The following GPR171 variants were observed in gnomAD, a reference collection of about 807,000 sequenced individuals.
The protein encoded by GPR171 is F730001G15Rik.
A neutral mutation model predicts 16.7 loss-of-function variants in GPR171; 14 were observed. The observed-to-expected ratio is 0.84, with a 90% CI of 0.55 to 1.31. The LOEUF is 1.31. GPR171 is among the 40% of genes most tolerant of loss of function. The probability of loss-of-function intolerance (pLI) is 0.00; values close to 1 mark genes in which losing one functional copy is unlikely to be tolerated. For missense variants in GPR171, 337 were observed against 378.9 expected, an observed-to-expected ratio of 0.89 and a Z score of 0.92; for synonymous variants, 134 against 135.6, an observed-to-expected ratio of 0.99 and a Z score of 0.08.
At chr3:151,199,474 T>G in intron 2 of GPR171, 35 bp from the exon 3 acceptor site, 2 of 1,131,448 alleles carry the variant, frequency 1.8e-6, no homozygotes, top group Middle Eastern at 3.0e-4. Context: ...GGTTAGTAAT[T>G]AAAATTAGCA....
chr3:151,200,792 C>T (rs1474467711), intron 2 of GPR171, 117 bp downstream of exon 2: 3 of 152,200 alleles, frequency 2.0e-5, no homozygotes, highest in African/African-American at 7.2e-5. Context: ...TTGTATCTGG[C>T]ACTATGCCAA....
intron 2 of GPR171, among the ~76,000 whole-genome samples, chr3:151,199,968 C>T (rs1448660360): frequency 1.3e-5 from 2 of 151,598 alleles, no homozygotes; most frequent in Non-Finnish European, 2.9e-5. Flanking sequence ...CAAAAACAAA[C>T]AGAAAAAAAC....
At chr3:151,199,527 C>G (rs1363515114) in intron 2 of GPR171, 88 bp from the exon 3 acceptor site, 1 of 680,052 alleles carries the variant, frequency 1.5e-6, no homozygotes, top group Non-Finnish European at 2.4e-6. Context: ...ATACCGTTGT[C>G]TTTCCAGTTC....
At chr3:151,202,487 A>G (rs1725744954) in intron 1 of GPR171, among the ~76,000 whole-genome samples, 1 of 152,158 alleles carries the variant, frequency 6.6e-6, no homozygotes, top group Non-Finnish European at 1.5e-5. Context: ...CCTGGCCAAC[A>G]TGGTGAAATC....
In GPR171 at chr3:151,199,096, A is replaced by G. The variant is rs745692929; in HGVS notation, c.291T>C (p.Asn97=). 1.2e-6 allele frequency: 2 copies of G among 1,613,986 alleles called. No homozygotes were observed. The highest frequency in any genetic ancestry group is 1.7e-6 in the Non-Finnish European group (2 of 1,179,840). Residue 97 remains asparagine (N), a synonymous_variant, in exon 3 of 3, where the codon AAT becomes AAC. Transcript: ENST00000309180. ...CTAAGAAGATAATTGATAAATACATATTGATATAGATGAGGCAGGCTGTTA... is the reference window on the plus strand; with the variant it reads ...CTAAGAAGATAATTGATAAATACATGTTGATATAGATGAGGCAGGCTGTTA... ...CQVTACLIYI[N]MYLSIIFLAF...
chr3:151,200,212 A>C (rs547290510), intron 2 of GPR171, among the ~76,000 whole-genome samples: 5 of 152,070 alleles, frequency 3.3e-5, no homozygotes, highest in South Asian at 2.1e-4. Context: ...AAGTCTTGTC[A>C]TGTCCCTCCC....
At position 151,198,659 on chromosome 3, in the gene GPR171, C is replaced by G; in HGVS notation, c.728G>C (p.Arg243Pro). The G allele has an allele frequency of 6.2e-7, 1 of 1,613,976 alleles. No individual in the cohort carries two copies. Among genetic ancestry groups the G allele is most frequent in the Non-Finnish European group, 8.5e-7 (1 of 1,179,948 alleles). Residue 243 changes from arginine to proline, a missense_variant, in exon 3 of 3, where the codon CGA (arginine) becomes CCA (proline). Physicochemically the swap from Arg to Pro is moderately radical, Grantham distance 103. Transcript: ENST00000309180. ...TGTCTGGCTGAGGGTATACGGGATTCGGACAATGTGGTAAGGAACAAAGCA... is the reference window on the plus strand; with the variant it reads ...TGTCTGGCTGAGGGTATACGGGATTGGGACAATGTGGTAAGGAACAAAGCA... ...IICFVPYHIV[R>P]IPYTLSQTEV...
At chr3:151,200,280 G>A (rs1178311381) in intron 2 of GPR171, among the ~76,000 whole-genome samples, 2 of 152,102 alleles carry the variant, frequency 1.3e-5, no homozygotes, top group East Asian at 3.9e-4. Flanking sequence ...GGCTCCCTTT[G>A]ACCTGGTCTA....
chr3:151,201,034 G>T (rs1317244587), intron 1 of GPR171, 37 bp from the exon 2 acceptor site: 1 of 152,170 alleles, frequency 6.6e-6, no homozygotes, highest in Non-Finnish European at 1.5e-5. Flanking sequence ...TGATAGAAAT[G>T]ATAATGATTA....
intron 2 of GPR171, among the ~76,000 whole-genome samples, chr3:151,200,190 A>G (rs896135449): frequency 3.3e-5 from 5 of 152,140 alleles, no homozygotes; most frequent in African/African-American, 9.7e-5. Context: ...ATCACCACTG[A>G]TAATGACAAT....
At chr3:151,199,843 T>C (rs1199179517) in intron 2 of GPR171, among the ~76,000 whole-genome samples, 2 of 152,130 alleles carry the variant, frequency 1.3e-5, no homozygotes, top group African/African-American at 4.8e-5. Flanking sequence ...TTTTTCTTGT[T>C]TTAGTTTTTT....
chr3:151,199,921 G>A (rs951052639), intron 2 of GPR171, among the ~76,000 whole-genome samples: 10 of 151,960 alleles, frequency 6.6e-5, no homozygotes, highest in African/African-American at 2.4e-4. Context: ...GTAAGGAGTT[G>A]ATGGAAAATC....
chr3:151,198,858 G>A lies in GPR171; in HGVS notation c.529C>T (p.His177Tyr), dbSNP rs762828941. ...ACACATATGAAATTTGTCAGCAAATGCCAATTTCTTCCAAATTCCTTTTTA... is the reference window on the plus strand; with the variant it reads ...ACACATATGAAATTTGTCAGCAAATACCAATTTCTTCCAAATTCCTTTTTA... The part of the protein sequence containing the change: ...EFKKEFGRNW[H>Y]LLTNFICVAI... Residue 177 changes from histidine (H) to tyrosine (Y), a missense_variant, in exon 3 of 3, where the codon CAT becomes TAT. By Grantham distance (83) the His-to-Tyr change is moderately conservative. Transcript: ENST00000309180. The A allele has an allele frequency of 3.1e-6, 5 of 1,613,538 alleles. No homozygotes were observed. The highest frequency in any genetic ancestry group is 1.7e-5 in the Admixed American group (1 of 60,006).
chr3:151,198,913 C>G lies in GPR171; in HGVS notation c.474G>C (p.Lys158Asn). Residue 158 changes from lysine (K) to asparagine (N), a missense_variant, in exon 3 of 3, where the codon AAG (lysine) becomes AAC (asparagine). Transcript: ENST00000309180. Reference protein sequence around the residue: ...PNMMIPIKDIKEKSNVGCMEF... With the variant: ...PNMMIPIKDINEKSNVGCMEF... ...CCATACAACCCACATTTGACTTTTC[C>G]TTGATGTCTTTGATGGGAATCATCA... The G allele has an allele frequency of 6.2e-7, 1 of 1,613,984 alleles. No individual in the cohort carries two copies. The highest frequency in any genetic ancestry group is 8.5e-7 in the Non-Finnish European group (1 of 1,180,008).
intron 1 of GPR171, among the ~76,000 whole-genome samples, chr3:151,202,843 G>A (rs1256754240): frequency 1.3e-5 from 2 of 152,188 alleles, no homozygotes; most frequent in African/African-American, 2.4e-5. Context: ...TTATAAGATT[G>A]AGTTACTGAA....
At position 151,201,223 on chromosome 3, in the gene GPR171, A is replaced by ACTCT. The variant is rs58729370; in HGVS notation, c.-142-230_-142-227dup. Among the ~76,000 whole-genome samples, 270 of 147,978 alleles carry ACTCT rather than the reference A, an allele frequency of 1.8e-3. 5 individuals are homozygous for ACTCT. In the South Asian group the frequency reaches 0.045, roughly 25 times the overall value. On this transcript the variant is annotated intron_variant, in intron 1 of 2. Transcript: ENST00000309180. ...TCTATGCATACAACCACGTGCACAC[A>ACTCT]CTCTCTCTCTCTCTCTCTCTCTCAC...
At chr3:151,200,814 G>A (rs1167780420) in intron 2 of GPR171, 95 bp downstream of exon 2, 1 of 152,174 alleles carries the variant, frequency 6.6e-6, no homozygotes, top group Non-Finnish European at 1.5e-5. Context: ...TACTTTACAT[G>A]TACTTATTTA....
intron 2 of GPR171, among the ~76,000 whole-genome samples, chr3:151,199,734 G>A (rs1429291805): frequency 6.6e-6 from 1 of 152,156 alleles, no homozygotes; most frequent in African/African-American, 2.4e-5. Context: ...TTGGAAGTTA[G>A]TTTGCAGAGG....
rs1197474045 is a variant in GPR171, at chr3:151,198,193, G to A, written c.*234C>T. On this transcript the variant is annotated 3_prime_UTR_variant, in exon 3 of 3. Coordinates refer to ENST00000309180, the MANE Select transcript of GPR171 (RefSeq NM_013308.4). ...GCAGGATTTTACATTCGTTCAATGA[G>A]ACTCTTTAGTTTTTTGTACAAATAT... The A allele has an allele frequency of 2.7e-6, 1 of 372,702 alleles. No individual in the cohort carries two copies. The highest frequency in any genetic ancestry group is 2.1e-5 in the African/African-American group (1 of 48,280). 23.1% of individuals were successfully genotyped at this position (372,702 alleles called of 1,614,324 possible). A position where few individuals can be genotyped will look rare whatever the true frequency, so the allele number is the denominator to read the frequency against.
Sources: allele counts gnomAD v4.1 joint callset (sites outside exome capture counted in the v4.1 genomes callset), GRCh38; gene constraint gnomAD v4.1.1; transcripts MANE v1.5; gene names NCBI Gene and HGNC (gene_info 2026-07-23, HGNC 2026-07-21).